Variants in IST1 observed in about 807,000 individuals in gnomAD.
The protein encoded by IST1 is IST1 homolog.
A neutral mutation model predicts 37.0 loss-of-function variants in IST1; 23 were observed. The observed-to-expected ratio is 0.62, with a 90% CI of 0.45 to 0.88. The LOEUF is 0.88. Ranked by LOEUF, IST1 falls within the 40% of genes least tolerant of loss-of-function variation. The pLI is 0.00. For synonymous variants in IST1, 180 were observed against 161.7 expected (o/e 1.11, Z -0.86); for missense variants, 488 against 445.4 (o/e 1.10, Z -0.86).
At chr16:71,903,755 T>TGTTC (rs1472106751) in intron 1 of IST1, 1 of 152,222 alleles carries the variant, frequency 6.6e-6, no homozygotes, top group Non-Finnish European at 1.5e-5. Context: ...CATTCATGAA[T>TGTTC]GTTCTAGTAC....
intron 1 of IST1, among the ~76,000 whole-genome samples, chr16:71,905,649 G>A (rs1245977718): frequency 6.6e-6 from 1 of 152,126 alleles, no homozygotes; most frequent in African/African-American, 2.4e-5. Flanking sequence ...CAAAGTGCTG[G>A]GATTACAGGC....
chr16:71,922,888 T>C, intron 7 of IST1: 1 of 600,814 alleles, frequency 1.7e-6, no homozygotes, highest in Non-Finnish European at 2.9e-6. Flanking sequence ...ATAGAGTTGG[T>C]GCTAGAAAAA....
chr16:71,921,119 T>G (rs941594014), intron 5 of IST1: 1 of 597,662 alleles, frequency 1.7e-6, no homozygotes, highest in Non-Finnish European at 3.0e-6. Context: ...AAGGCAGCAG[T>G]ATCATCTTTT....
rs1165034965 is a variant in IST1, at chr16:71,924,087, G to A, written c.853-682G>A. ...CTGTTCTTTCCTTTGGTTCCCATCT[G>A]TAGCTGATGTGTTCTACCTTGGGCC... On this transcript the variant is annotated intron_variant, in intron 8 of 9. Coordinates refer to ENST00000378799, the MANE Select transcript of IST1 (RefSeq NM_001270975.2). 4.8e-5 allele frequency: 22 copies of A among 455,572 alleles called. No individual in the cohort carries two copies. The East Asian group carries it at 1.5e-3, about 32-fold the overall frequency. The allele number at this position is 455,572 out of a possible 1,614,324, so 28.2% of individuals were successfully genotyped here.
intron 1 of IST1, among the ~76,000 whole-genome samples, chr16:71,898,958 C>CT (rs1452414868): frequency 2.2e-5 from 2 of 91,948 alleles, no homozygotes; most frequent in African/African-American, 8.2e-5. Context: ...GAGCAAGCCT[C>CT]TATCTCAAAA....
intron 9 of IST1, among the ~76,000 whole-genome samples, chr16:71,927,188 T>TCA: frequency 6.6e-6 from 1 of 152,142 alleles, no homozygotes; most frequent in Middle Eastern, 3.2e-3. Context: ...CATTCAAATG[T>TCA]TTATTAGCCT....
chr16:71,904,647 G>A (rs957043479), intron 1 of IST1, among the ~76,000 whole-genome samples: 1 of 152,080 alleles, frequency 6.6e-6, no homozygotes, highest in Non-Finnish European at 1.5e-5. Flanking sequence ...GAGCTCCAGC[G>A]ATCCTCCCAC....
chr16:71,910,445 A>C (rs1246258097), intron 1 of IST1, among the ~76,000 whole-genome samples: 2 of 151,964 alleles, frequency 1.3e-5, no homozygotes, highest in Non-Finnish European at 2.9e-5. Context: ...TCTCTACTAA[A>C]AATATAAAAA....
At chr16:71,921,706 A>T (rs2037589351) in intron 6 of IST1, 1 of 390,826 alleles carries the variant, frequency 2.6e-6, no homozygotes, top group African/African-American at 2.0e-5. Context: ...CTTTTTGGTG[A>T]ACTTCAGGAA....
intron 1 of IST1, among the ~76,000 whole-genome samples, chr16:71,896,628 T>A (rs532850663): frequency 2.4e-4 from 36 of 152,264 alleles, no homozygotes; most frequent in Admixed American, 1.4e-3. Context: ...GCCAATAGTT[T>A]GTGGGAAATT....
Position 71,923,061 on chromosome 16 carries a change from A to G in IST1, c.760-227A>G, listed in dbSNP as rs141246635. 8.4e-5 allele frequency: 40 copies of G among 474,350 alleles called. No homozygotes were observed. The Middle Eastern group carries it at 1.7e-3, about 20-fold the overall frequency. 29.4% of individuals were successfully genotyped at this position (474,350 alleles called of 1,614,324 possible). A position where few individuals can be genotyped will look rare whatever the true frequency, so the allele number is the denominator to read the frequency against. On this transcript the variant is annotated intron_variant, in intron 7 of 9. Transcript: ENST00000378799. ...AAGTCTCGTTAGAGTTTTCCCTTGT[A>G]AACACTGAAGCACTTGATTCAATAA...
Position 71,929,817 on chromosome 16 carries a change from G to T in IST1, c.*2004G>T. The T allele has an allele frequency of 9.9e-7, 1 of 1,010,196 alleles. No individual in the cohort carries two copies. Among genetic ancestry groups the T allele is most frequent in the Non-Finnish European group, 1.4e-6 (1 of 706,298 alleles). The allele number at this position is 1,010,196 out of a possible 1,614,324, so 62.6% of individuals were successfully genotyped here. On this transcript the variant is annotated 3_prime_UTR_variant, in exon 10 of 10. Transcript: ENST00000378799. ...CTTTAATAATTTGCAGTCAGGCATT[G>T]GAGTGTTTCCACTAATGGTTGCGAG...
At chr16:71,927,457 C>A (rs1432213387) in intron 9 of IST1, among the ~76,000 whole-genome samples, 157 bp from the exon 10 acceptor site, 1 of 150,600 alleles carries the variant, frequency 6.6e-6, no homozygotes, top group African/African-American at 2.5e-5. Context: ...CAACTGCACT[C>A]CAGCCTGGGT....
At chr16:71,916,079 G>A (rs1029793897) in intron 2 of IST1, among the ~76,000 whole-genome samples, 1 of 152,148 alleles carries the variant, frequency 6.6e-6, no homozygotes, top group African/African-American at 2.4e-5. Flanking sequence ...TCATCTGCCT[G>A]CCTCAGCCTC....
At chr16:71,906,114 C>G (rs2037218295) in intron 1 of IST1, among the ~76,000 whole-genome samples, 1 of 151,286 alleles carries the variant, frequency 6.6e-6, no homozygotes, top group Admixed American at 6.6e-5. Flanking sequence ...ACCAATTCTC[C>G]TGCCTCAGCC....
At chr16:71,918,024 G>C (rs1032128034) in intron 4 of IST1, among the ~76,000 whole-genome samples, 1 of 152,186 alleles carries the variant, frequency 6.6e-6, no homozygotes, top group African/African-American at 2.4e-5. Context: ...GTGTGCATGG[G>C]TGGGTTTTTA....
chr16:71,922,446 A>G (rs765248820), intron 6 of IST1, 28 bp from the exon 7 acceptor site: 2 of 1,599,776 alleles, frequency 1.3e-6, no homozygotes, highest in South Asian at 2.2e-5. Flanking sequence ...ACATGGGTTA[A>G]TGACCTGGGT....
intron 4 of IST1, among the ~76,000 whole-genome samples, chr16:71,917,564 C>T (rs1240250168): frequency 2.0e-5 from 3 of 152,200 alleles, no homozygotes; most frequent in Admixed American, 2.0e-4. Flanking sequence ...CAGCCATACT[C>T]CTGTAGCTTA....
rs1008962529 is a variant in IST1, at chr16:71,908,461, G to A, written c.-15-7165G>A. On this transcript the variant is annotated intron_variant, in intron 1 of 9. Coordinates refer to ENST00000378799, the MANE Select transcript of IST1 (RefSeq NM_001270975.2). Reference sequence around the variant, plus strand: ...ACTACAGGCGTGTGCCACCACGCCCGGATAATTTTTGTATTTTTCATAGAA... The same window carrying A: ...ACTACAGGCGTGTGCCACCACGCCCAGATAATTTTTGTATTTTTCATAGAA... Among the ~76,000 whole-genome samples the A allele has an allele frequency of 1.2e-4, 18 of 151,388 alleles. 1 individual carries two copies. The highest frequency in any genetic ancestry group is 1.3e-4 in the Admixed American group (2 of 15,188).
Sources: gnomAD v4.1 joint callset for allele counts (sites outside exome capture counted in the v4.1 genomes callset) on GRCh38, gnomAD v4.1.1 for gene constraint, MANE v1.5 for transcripts, NCBI Gene and HGNC (gene_info 2026-07-23, HGNC 2026-07-21) for gene names.